NCAM1: variants seen among roughly 807,000 people sequenced by gnomAD.
The protein encoded by NCAM1 is antigen recognized by monoclonal antibody 5.1H11.
A neutral mutation model predicts 109.8 loss-of-function variants in NCAM1; 14 were observed. The ratio of observed to expected loss-of-function variants is 0.13; its 90% CI spans 0.08 to 0.20. NCAM1 has a LOEUF of 0.20. NCAM1 is among the 10% of genes least tolerant of loss of function. The pLI is 1.00. For missense variants in NCAM1, 774 were observed against 1,109.9 expected (o/e 0.70, Z 4.30); for synonymous variants, 418 against 442.9 (o/e 0.94, Z 0.70).
At chr11:113,195,803 GC>G (rs1269532971) in intron 1 of NCAM1, among the ~76,000 whole-genome samples, 5 of 151,580 alleles carry the variant, frequency 3.3e-5, no homozygotes, top group African/African-American at 4.9e-5. Flanking sequence ...ACCGCGCCTG[GC>G]CACCCCTTAG....
intron 17 of NCAM1, among the ~76,000 whole-genome samples, chr11:113,260,827 C>T (rs1945970556): frequency 6.6e-6 from 1 of 152,146 alleles, no homozygotes; most frequent in Non-Finnish European, 1.5e-5. Flanking sequence ...ACCCTATCTA[C>T]CAAAGGCCTC....
At chr11:113,248,817 C>T (rs1433118612) in intron 15 of NCAM1, among the ~76,000 whole-genome samples, 1 of 152,150 alleles carries the variant, frequency 6.6e-6, no homozygotes, top group African/African-American at 2.4e-5. Flanking sequence ...TACTTGGCTC[C>T]TGAGCCTACA....
At position 113,206,025 on chromosome 11, in the gene NCAM1, G is replaced by A; in HGVS notation, c.491-18G>A. Reference sequence around the variant, plus strand: ...CTCTGACTGATTCTTGGATGAACCTGCCTCTTATCTCTTCTAGTCCGATTC... The same window carrying A: ...CTCTGACTGATTCTTGGATGAACCTACCTCTTATCTCTTCTAGTCCGATTC... On this transcript the variant is annotated intron_variant, in intron 4 of 19. Transcript: ENST00000316851. The A allele has an allele frequency of 6.2e-7, 1 of 1,613,752 alleles. No individual in the cohort carries two copies. Among genetic ancestry groups the A allele is most frequent in the East Asian group, 2.2e-5 (1 of 44,858 alleles).
intron 1 of NCAM1, among the ~76,000 whole-genome samples, chr11:113,073,314 T>C (rs145867905): frequency 0.013 from 2,046 of 152,320 alleles, 23 homozygotes; most frequent in Non-Finnish European, 0.021. Flanking sequence ...AGGCCCTCTT[T>C]CTCAAAAACA....
chr11:113,271,429 T>A (rs1946272252), intron 18 of NCAM1, among the ~76,000 whole-genome samples: 1 of 150,026 alleles, frequency 6.7e-6, no homozygotes, highest in South Asian at 2.1e-4. Context: ...TATGTATACC[T>A]GTGTACAGAG....
chr11:113,093,621 C>T (rs1555089772), intron 1 of NCAM1, among the ~76,000 whole-genome samples: 1 of 152,108 alleles, frequency 6.6e-6, no homozygotes, highest in Non-Finnish European at 1.5e-5. Flanking sequence ...TACGAACGCC[C>T]CATCTCTTTT....
At chr11:113,170,863 A>G (rs1329198199) in intron 1 of NCAM1, among the ~76,000 whole-genome samples, 1 of 152,260 alleles carries the variant, frequency 6.6e-6, no homozygotes, top group African/African-American at 2.4e-5. Flanking sequence ...AGCTAATTGC[A>G]TTAAAATAAT....
At chr11:112,980,662 A>G (rs1951129758) in intron 1 of NCAM1, among the ~76,000 whole-genome samples, 1 of 151,648 alleles carries the variant, frequency 6.6e-6, no homozygotes, top group African/African-American at 2.4e-5. Context: ...TTTTTGTTAC[A>G]TGGATAAGTT....
At chr11:113,230,029 G>A (rs1403346998) in intron 9 of NCAM1, among the ~76,000 whole-genome samples, 32 of 151,474 alleles carry the variant, frequency 2.1e-4, no homozygotes, top group Non-Finnish European at 3.8e-4. Context: ...ACATGTATAC[G>A]TATGTAACAA....
chr11:113,171,331 T>C (rs959285253), intron 1 of NCAM1, among the ~76,000 whole-genome samples: 6 of 152,152 alleles, frequency 3.9e-5, no homozygotes, highest in Admixed American at 2.0e-4. Flanking sequence ...CTTGAAATGC[T>C]CATGAGAAGG....
At chr11:113,088,052 G>A (rs540390682) in intron 1 of NCAM1, among the ~76,000 whole-genome samples, 5 of 152,180 alleles carry the variant, frequency 3.3e-5, no homozygotes, top group Non-Finnish European at 5.9e-5. Context: ...CTAATGTTGA[G>A]ATCGTTATTT....
intron 1 of NCAM1, among the ~76,000 whole-genome samples, chr11:113,061,895 T>C (rs1555083480): frequency 6.6e-6 from 1 of 152,140 alleles, no homozygotes; most frequent in East Asian, 1.9e-4. Context: ...AACCCCCTGA[T>C]TTTCCTTGGA....
At chr11:113,087,396 C>G (rs1939138212) in intron 1 of NCAM1, among the ~76,000 whole-genome samples, 2 of 152,184 alleles carry the variant, frequency 1.3e-5, no homozygotes. Context: ...CCACAGATGA[C>G]CTCAGCTGAC....
intron 1 of NCAM1, among the ~76,000 whole-genome samples, chr11:113,189,646 T>C (rs1555109482): frequency 1.3e-5 from 2 of 152,064 alleles, no homozygotes; most frequent in Non-Finnish European, 2.9e-5. Flanking sequence ...AAGCACATTA[T>C]GACATTGTGC....
chr11:113,134,945 A>T (rs1941544674), intron 1 of NCAM1, among the ~76,000 whole-genome samples: 1 of 151,874 alleles, frequency 6.6e-6, no homozygotes, highest in African/African-American at 2.4e-5. Context: ...TTTTCCTCCC[A>T]CTCATCACTG....
At chr11:113,248,733 A>C (rs190472807) in intron 15 of NCAM1, among the ~76,000 whole-genome samples, 59 of 152,342 alleles carry the variant, frequency 3.9e-4, no homozygotes, top group Non-Finnish European at 7.3e-4. Flanking sequence ...AGAATCCAGC[A>C]GCACTGCGTG....
intron 19 of NCAM1, 73 bp from the exon 20 acceptor site, chr11:113,275,194 C>T: frequency 6.3e-7 from 1 of 1,585,542 alleles, no homozygotes; most frequent in Non-Finnish European, 8.6e-7. Flanking sequence ...CTGCTGTCCC[C>T]AAGGCCTGGA....
intron 1 of NCAM1, among the ~76,000 whole-genome samples, chr11:113,136,819 C>T (rs76667689): frequency 2.1e-3 from 312 of 152,090 alleles, no homozygotes; most frequent in Non-Finnish European, 3.3e-3. Flanking sequence ...AAGGGAAGGC[C>T]GGCAATAGAC....
intron 1 of NCAM1, among the ~76,000 whole-genome samples, chr11:113,173,418 G>A (rs1176407857): frequency 9.2e-5 from 14 of 151,636 alleles, no homozygotes; most frequent in African/African-American, 2.9e-4. Context: ...GGAGCTGTGC[G>A]ATAGGGCAGA....
Sources: gnomAD v4.1 joint callset for allele counts (sites outside exome capture counted in the v4.1 genomes callset) on GRCh38, gnomAD v4.1.1 for gene constraint, MANE v1.5 for transcripts, NCBI Gene and HGNC (gene_info 2026-07-23, HGNC 2026-07-21) for gene names.